Variants in BICC1 observed in about 807,000 individuals in gnomAD.
The protein encoded by BICC1 is BicC family RNA binding protein 1, also known as protein bicaudal C homolog 1.
In BICC1, 43 loss-of-function variants were observed where a neutral mutation model predicts 111.0. The observed-to-expected ratio is 0.39, with a 90% CI of 0.30 to 0.50. The LOEUF (loss-of-function observed/expected upper bound fraction) is 0.50, where lower values mean the gene tolerates loss of function less well. Ranked by LOEUF, BICC1 falls within the 20% of genes least tolerant of loss-of-function variation. BICC1 has a pLI of 0.88. For synonymous variants in BICC1, 467 were observed against 434.4 expected, an observed-to-expected ratio of 1.07 and a Z score of -0.93; for missense variants, 1,091 against 1,203.2, an observed-to-expected ratio of 0.91 and a Z score of 1.38.
intron 3 of BICC1, among the ~76,000 whole-genome samples, chr10:58,762,303 A>G (rs1842337873): frequency 6.6e-6 from 1 of 152,210 alleles, no homozygotes; most frequent in South Asian, 2.1e-4. Flanking sequence ...ATGAGAAAAT[A>G]TGGTCAAACA....
chr10:58,541,540 G>GA (rs1842982731), intron 1 of BICC1, among the ~76,000 whole-genome samples: 2 of 152,036 alleles, frequency 1.3e-5, no homozygotes, highest in Non-Finnish European at 2.9e-5. Context: ...AAACATTGCA[G>GA]AAAAAATTGC....
chr10:58,683,859 C>A (rs1839620214), intron 2 of BICC1, among the ~76,000 whole-genome samples: 1 of 152,128 alleles, frequency 6.6e-6, no homozygotes, highest in Non-Finnish European at 1.5e-5. Flanking sequence ...AATTGAATAC[C>A]CTTTATTTCT....
At chr10:58,664,824 G>T (rs1448436188) in intron 2 of BICC1, among the ~76,000 whole-genome samples, 1 of 151,854 alleles carries the variant, frequency 6.6e-6, no homozygotes, top group African/African-American at 2.4e-5. Flanking sequence ...TCTTCAGTTC[G>T]TTAATATAGG....
intron 3 of BICC1, among the ~76,000 whole-genome samples, chr10:58,710,275 A>G (rs1412678085): frequency 6.6e-6 from 1 of 152,162 alleles, no homozygotes. Context: ...CAGAACTCCA[A>G]ATCACTGTAC....
At position 58,803,204 on chromosome 10, in the gene BICC1, G is replaced by T. The variant is rs1256278980; in HGVS notation, c.2143G>T (p.Ala715Ser). Residue 715 changes from alanine (A) to serine (S), a missense_variant, in exon 15 of 21, where the codon GCC (alanine) becomes TCC (serine). Ala to Ser is a moderately conservative substitution (Grantham distance 99, BLOSUM62 1). Transcript: ENST00000373886. ...AAAAQQNSERAHLAPRSSYVN... is the reference protein window; with the variant it reads ...AAAAQQNSERSHLAPRSSYVN... ...AGCTGCCCAGCAAAACTCCGAAAGGGCCCACCTTGCTCCACGGTCATCATA... is the reference window on the plus strand; with the variant it reads ...AGCTGCCCAGCAAAACTCCGAAAGGTCCCACCTTGCTCCACGGTCATCATA... 1 of 1,607,912 alleles carries T rather than the reference G, an allele frequency of 6.2e-7. No homozygotes were observed. Among genetic ancestry groups the T allele is most frequent in the Admixed American group, 1.7e-5 (1 of 59,198 alleles).
At chr10:58,549,843 G>A (rs1222538163) in intron 1 of BICC1, among the ~76,000 whole-genome samples, 2 of 151,320 alleles carry the variant, frequency 1.3e-5, no homozygotes, top group Admixed American at 6.6e-5. Context: ...GCACCATTGT[G>A]CCCGGCTAAT....
intron 5 of BICC1, among the ~76,000 whole-genome samples, chr10:58,787,852 C>T (rs1843056758): frequency 6.6e-6 from 1 of 152,116 alleles, no homozygotes; most frequent in South Asian, 2.1e-4. Flanking sequence ...GCCCCTGTAC[C>T]CCCCACCACA....
At chr10:58,689,696 C>T (rs1056085092) in intron 2 of BICC1, among the ~76,000 whole-genome samples, 2 of 152,162 alleles carry the variant, frequency 1.3e-5, no homozygotes, top group African/African-American at 4.8e-5. Context: ...ACAAGCAAAG[C>T]GGAGCAAACA....
At chr10:58,592,575 G>A (rs1018124228) in intron 1 of BICC1, among the ~76,000 whole-genome samples, 1 of 151,810 alleles carries the variant, frequency 6.6e-6, no homozygotes, top group African/African-American at 2.4e-5. Context: ...GATGGGCGTG[G>A]TTGGTGGCGG....
intron 2 of BICC1, among the ~76,000 whole-genome samples, chr10:58,637,351 A>G (rs1175368246): frequency 6.6e-6 from 1 of 152,258 alleles, no homozygotes; most frequent in Non-Finnish European, 1.5e-5. Context: ...GTTTGCTACC[A>G]ATAAAGAATT....
At chr10:58,523,594 A>G (rs1281460721) in intron 1 of BICC1, among the ~76,000 whole-genome samples, 2 of 152,242 alleles carry the variant, frequency 1.3e-5, no homozygotes, top group Non-Finnish European at 2.9e-5. Flanking sequence ...CACAGCCAGT[A>G]TCATATTGAA....
At chr10:58,684,800 T>G (rs952473131) in intron 2 of BICC1, among the ~76,000 whole-genome samples, 1 of 152,244 alleles carries the variant, frequency 6.6e-6, no homozygotes, top group African/African-American at 2.4e-5. Context: ...CTATCCGTTT[T>G]GTTGATGTTT....
At chr10:58,700,506 C>T (rs986900806) in intron 2 of BICC1, among the ~76,000 whole-genome samples, 7 of 152,126 alleles carry the variant, frequency 4.6e-5, no homozygotes, top group African/African-American at 9.7e-5. Flanking sequence ...AAGCAGCAGC[C>T]GGGGCCAGGT....
At chr10:58,688,669 G>A (rs1310460264) in intron 2 of BICC1, among the ~76,000 whole-genome samples, 1 of 152,092 alleles carries the variant, frequency 6.6e-6, no homozygotes, top group African/African-American at 2.4e-5. Context: ...AGAAAATATG[G>A]CATATATACA....
intron 1 of BICC1, among the ~76,000 whole-genome samples, chr10:58,575,036 T>C (rs1340674913): frequency 2.6e-5 from 4 of 152,058 alleles, no homozygotes; most frequent in Admixed American, 6.6e-5. Context: ...AATTTTACTT[T>C]AAATTCTGGG....
chr10:58,791,734 C>T (rs1843185686), intron 8 of BICC1, among the ~76,000 whole-genome samples: 1 of 151,192 alleles, frequency 6.6e-6, no homozygotes, highest in African/African-American at 2.4e-5. Flanking sequence ...AGCAAGACTC[C>T]GTTTAAAAAA....
At chr10:58,606,285 A>C (rs1437933878) in intron 1 of BICC1, among the ~76,000 whole-genome samples, 1 of 152,190 alleles carries the variant, frequency 6.6e-6, no homozygotes, top group African/African-American at 2.4e-5. Context: ...TAATATATGG[A>C]ATCCAAGTAG....
rs1263783243 is a variant in BICC1, at chr10:58,787,007, G to A, written c.472G>A (p.Val158Met). The A allele has an allele frequency of 1.2e-6, 2 of 1,609,292 alleles. No homozygotes were observed. Among genetic ancestry groups the A allele is most frequent in the East Asian group, 2.3e-5 (1 of 44,282 alleles). ...CAAAGGTGGCAACAATATTAAAAAA[G>A]TGATGGAAGAAACCGGATGCCATAT... ...IGKGGNNIKKVMEETGCHIHF... is the reference protein window; with the variant it reads ...IGKGGNNIKKMMEETGCHIHF... The change falls in exon 5 of 21, where the codon GTG becomes ATG. Residue 158 changes from valine to methionine, a missense_variant. Physicochemically the swap from Val to Met is conservative, Grantham distance 21. Around this residue, in one of 3 missense-constraint regions of BICC1, gnomAD observed 843 missense variants for 900.8 expected, o/e 0.94. Coordinates refer to ENST00000373886, the MANE Select transcript of BICC1 (RefSeq NM_001080512.3).
chr10:58,782,764 A>T (rs1328227626), intron 3 of BICC1, among the ~76,000 whole-genome samples: 3 of 152,180 alleles, frequency 2.0e-5, no homozygotes, highest in Non-Finnish European at 4.4e-5. Context: ...TTGGCTTGGT[A>T]TCTCCCTCTA....
Sources: gnomAD v4.1 joint callset for allele counts (sites outside exome capture counted in the v4.1 genomes callset) on GRCh38, gnomAD v4.1.1 for gene constraint, gnomAD v4.1.1 regional missense constraint, MANE v1.5 for transcripts, NCBI Gene and HGNC (gene_info 2026-07-23, HGNC 2026-07-21) for gene names.